The following SEMA5A variants were observed in gnomAD, a reference collection of about 807,000 sequenced individuals.
The protein encoded by SEMA5A is semaphorin 5A.
A neutral mutation model predicts 135.5 loss-of-function variants in SEMA5A; 55 were observed. The ratio of observed to expected loss-of-function variants is 0.41; its 90% confidence interval spans 0.33 to 0.51. The LOEUF is 0.51. Among genes scored for constraint, SEMA5A ranks in the 20% least tolerant of loss-of-function variants. The pLI is 0.37. For synonymous variants in SEMA5A, 580 were observed against 546.5 expected (o/e 1.06, Z -0.85); for missense variants, 1,290 against 1,419.9 (o/e 0.91, Z 1.47).
rs905336958 is a variant in SEMA5A, at chr5:9,036,993, C to T, written c.*5904G>A. The T allele has an allele frequency of 2.0e-5, 3 of 152,314 alleles. No homozygotes were observed. The highest frequency in any genetic ancestry group is 3.4e-3 in the Middle Eastern group (1 of 294). 9.4% of individuals were successfully genotyped at this position (152,314 alleles called of 1,614,324 possible). A position where few individuals can be genotyped will look rare whatever the true frequency, so the allele number is the denominator to read the frequency against. On this transcript the variant is annotated 3_prime_UTR_variant, in exon 23 of 23. Transcript: ENST00000382496. The stretch of plus-strand genomic sequence containing the variant: ...AAACATTTGAATCATTTTATTACTG[C>T]CATTCATCTAACATTTGGAATATTT...
chr5:9,216,379 G>A (rs1746629363), intron 8 of SEMA5A, among the ~76,000 whole-genome samples: 1 of 152,120 alleles, frequency 6.6e-6, no homozygotes, highest in South Asian at 2.1e-4. Flanking sequence ...TTCTTTTGCA[G>A]CTTCTGAGGA....
chr5:9,341,051 T>A (rs1001149979), intron 3 of SEMA5A, among the ~76,000 whole-genome samples: 5 of 152,044 alleles, frequency 3.3e-5, no homozygotes, highest in Non-Finnish European at 7.4e-5. Context: ...TATATGTACA[T>A]CCTCTCCTAT....
intron 11 of SEMA5A, 63 bp from the exon 12 acceptor site, chr5:9,154,758 T>A: frequency 1.4e-6 from 2 of 1,404,704 alleles, no homozygotes; most frequent in Non-Finnish European, 2.0e-6. Flanking sequence ...AATCCCTGGT[T>A]AAACAGAGTG....
At chr5:9,539,854 C>T (rs377490389) in intron 1 of SEMA5A, among the ~76,000 whole-genome samples, 2 of 152,204 alleles carry the variant, frequency 1.3e-5, no homozygotes, top group South Asian at 2.1e-4. Flanking sequence ...CACTGACTTA[C>T]TGTGCAAATT....
At chr5:9,399,758 GA>G (rs1358774592) in intron 2 of SEMA5A, among the ~76,000 whole-genome samples, 1 of 152,128 alleles carries the variant, frequency 6.6e-6, no homozygotes, top group Non-Finnish European at 1.5e-5. Flanking sequence ...AAGGGGCCTT[GA>G]GGGGAACTTC....
intron 12 of SEMA5A, among the ~76,000 whole-genome samples, chr5:9,143,984 C>T (rs1742197652): frequency 6.6e-6 from 1 of 152,150 alleles, no homozygotes; most frequent in African/African-American, 2.4e-5. Flanking sequence ...TTCAATGGCC[C>T]AACATAAACC....
intron 4 of SEMA5A, among the ~76,000 whole-genome samples, chr5:9,327,376 G>A (rs1752927057): frequency 6.6e-6 from 1 of 152,032 alleles, no homozygotes; most frequent in African/African-American, 2.4e-5. Context: ...ACGTGTGTCT[G>A]GTACCCATTC....
At chr5:9,202,376 C>T (rs919713153) in intron 8 of SEMA5A, 136 bp from the exon 9 acceptor site, 7 of 657,192 alleles carry the variant, frequency 1.1e-5, no homozygotes, top group African/African-American at 2.0e-5. Flanking sequence ...TATTGGGAGG[C>T]CCCGTGAGCA....
intron 3 of SEMA5A, among the ~76,000 whole-genome samples, chr5:9,353,354 GAAGGAAAGGAAAGGAAAGGAAAGGA>G (rs1165303205): frequency 1.8e-5 from 1 of 54,366 alleles, no homozygotes; most frequent in Non-Finnish European, 3.6e-5. Context: ...AAAGGAAAGG[GAAGGAAAGGAAAGGAAAGGAAAGGA>G]AAGGAAAGGA....
chr5:9,079,626 T>G (rs993077209), intron 16 of SEMA5A, among the ~76,000 whole-genome samples: 12 of 151,990 alleles, frequency 7.9e-5, no homozygotes, highest in African/African-American at 2.9e-4. Flanking sequence ...TGGGATAAAA[T>G]TTTTGCAGTC....
chr5:9,532,754 G>A (rs954441088), intron 1 of SEMA5A, among the ~76,000 whole-genome samples: 2 of 152,174 alleles, frequency 1.3e-5, no homozygotes, highest in Admixed American at 6.5e-5. Context: ...CACAGATAAA[G>A]GTTGCCATGA....
At chr5:9,202,391 A>C in intron 8 of SEMA5A, 151 bp from the exon 9 acceptor site, 16 of 558,648 alleles carry the variant, frequency 2.9e-5, no homozygotes, top group South Asian at 4.2e-5. Flanking sequence ...TGAGCAGCTT[A>C]ATGATCTACA....
intron 1 of SEMA5A, among the ~76,000 whole-genome samples, chr5:9,508,106 T>C (rs1175908141): frequency 6.6e-6 from 1 of 152,174 alleles, no homozygotes; most frequent in African/African-American, 2.4e-5. Context: ...TAGGGAAAGA[T>C]GAGTCACTGT....
In SEMA5A at chr5:9,154,093, A is replaced by ATATATATATGTGTGTGTGTG. The variant is rs372321939; in HGVS notation, c.1481+394_1481+395insCACACACACACATATATATA. On this transcript the variant is annotated intron_variant, in intron 12 of 22. Transcript: ENST00000382496. ...TATATATATATATATATATATATATATGTGTGTGTGTGTATGTGTGTGTAT... is the reference window on the plus strand; with the variant it reads ...TATATATATATATATATATATATATATATATATATGTGTGTGTGTGTGTGTGTGTGTGTATGTGTGTGTAT... 4.0e-3 allele frequency among the ~76,000 whole-genome samples: 289 copies of ATATATATATGTGTGTGTGTG among 73,126 alleles called. 1 individual carries two copies. The highest frequency in any genetic ancestry group is 7.5e-3 in the East Asian group (12 of 1,602). 48.0% of individuals were successfully genotyped at this position (73,126 alleles called of 152,430 possible).
At chr5:9,117,563 T>G (rs1383550336) in intron 15 of SEMA5A, among the ~76,000 whole-genome samples, 3 of 152,210 alleles carry the variant, frequency 2.0e-5, no homozygotes, top group Admixed American at 2.0e-4. Flanking sequence ...TTTTATATAT[T>G]TTAAATAATT....
At chr5:9,318,253 G>A in intron 5 of SEMA5A, 119 bp downstream of exon 5, 1 of 913,534 alleles carries the variant, frequency 1.1e-6, no homozygotes, top group East Asian at 2.6e-5. Context: ...GACCTGCTGA[G>A]GAAACGAGCC....
At chr5:9,115,558 A>T (rs775401804) in intron 15 of SEMA5A, among the ~76,000 whole-genome samples, 4 of 152,194 alleles carry the variant, frequency 2.6e-5, no homozygotes, top group Non-Finnish European at 5.9e-5. Flanking sequence ...GGCTTTAGAG[A>T]TTAACAGACT....
intron 5 of SEMA5A, among the ~76,000 whole-genome samples, chr5:9,241,789 T>A (rs1325907166): frequency 1.3e-5 from 2 of 152,138 alleles, no homozygotes; most frequent in Admixed American, 1.3e-4. Context: ...GTTACATACA[T>A]ATAAATCCAC....
At chr5:9,280,793 T>C (rs1334480749) in intron 5 of SEMA5A, 4 of 432,196 alleles carry the variant, frequency 9.3e-6, no homozygotes, top group South Asian at 5.1e-5. Context: ...ACTCACCCAA[T>C]TGTCTTCCTC....
Sources: allele counts gnomAD v4.1 joint callset (sites outside exome capture counted in the v4.1 genomes callset), GRCh38; gene constraint gnomAD v4.1.1; transcripts MANE v1.5; gene names NCBI Gene and HGNC (gene_info 2026-07-23, HGNC 2026-07-21).